GANC: variants seen among roughly 807,000 people sequenced by gnomAD.
The protein encoded by GANC is neutral alpha-glucosidase C.
A neutral mutation model predicts 124.2 loss-of-function variants in GANC; 117 were observed. The observed-to-expected ratio is 0.94, with a 90% CI of 0.81 to 1.10. The LOEUF (loss-of-function observed/expected upper bound fraction) is 1.10, where lower values mean the gene tolerates loss of function less well. GANC is among the 50% of genes least tolerant of loss of function. The pLI is 0.00. For missense variants in GANC, 1,140 were observed against 1,095.0 expected (o/e 1.04, Z -0.58); for synonymous variants, 377 against 376.8 (o/e 1.00, Z -0.01).
chr15:42,329,458 T>G lies in GANC; in HGVS notation c.1644+9T>G, dbSNP rs2052224631. The G allele has an allele frequency of 1.9e-6, 3 of 1,601,086 alleles. No homozygotes were observed. Among genetic ancestry groups the G allele is most frequent in the Admixed American group, 1.8e-5 (1 of 56,788 alleles). ...TCTACGGTTTTTATCATGTAAGACA[T>G]CCAAAAAGAATTAAACTGGGCTTGT... is the stretch of plus-strand genomic sequence containing the variant. On this transcript the variant is annotated intron_variant, in intron 14 of 23. Coordinates refer to ENST00000318010, the MANE Select transcript of GANC (RefSeq NM_198141.3).
At chr15:42,290,664 C>T (rs989265846) in intron 4 of GANC, among the ~76,000 whole-genome samples, 1 of 151,916 alleles carries the variant, frequency 6.6e-6, no homozygotes, top group East Asian at 1.9e-4. Context: ...AAAAACTAAC[C>T]GGGCATGGTA....
rs763320800 is a variant in GANC at position 42,287,765 on chromosome 15, A to C, written c.276A>C (p.Leu92=). Residue 92 remains leucine, a synonymous_variant, in exon 4 of 24, where the codon CTA becomes CTC. Transcript: ENST00000318010. The part of the protein sequence containing the change: ...FRLKINEETP[L]KPRFEVPDVL... ...TTAAAATTAATGAAGAGACTCCTCTAAAACCCAGATTTGAAGTTCCGGATG... is the reference window on the plus strand; with the variant it reads ...TTAAAATTAATGAAGAGACTCCTCTCAAACCCAGATTTGAAGTTCCGGATG... The C allele has an allele frequency of 1.2e-6, 2 of 1,613,308 alleles. No homozygotes were observed. The highest frequency in any genetic ancestry group is 1.1e-5 in the South Asian group (1 of 91,042).
chr15:42,310,528 A>G (rs780025249), intron 9 of GANC, 65 bp downstream of exon 9: 20 of 1,493,738 alleles, frequency 1.3e-5, no homozygotes, highest in Non-Finnish European at 1.7e-5. Flanking sequence ...CAGTGGAGTT[A>G]TAGCTCTTAT....
intron 3 of GANC, among the ~76,000 whole-genome samples, chr15:42,287,154 C>T (rs1364301658): frequency 6.6e-6 from 1 of 152,198 alleles, no homozygotes; most frequent in African/African-American, 2.4e-5. Context: ...TGTGAAAAAT[C>T]AATTCCAGTT....
intron 6 of GANC, among the ~76,000 whole-genome samples, chr15:42,303,986 A>G (rs1328906994): frequency 6.6e-6 from 1 of 152,192 alleles, no homozygotes; most frequent in East Asian, 1.9e-4. Flanking sequence ...ACTTGAACTC[A>G]GCACTGGACC....
At chr15:42,321,732 G>T in intron 10 of GANC, 53 bp from the exon 11 acceptor site, 2 of 1,437,834 alleles carry the variant, frequency 1.4e-6, no homozygotes, top group South Asian at 2.3e-5. Flanking sequence ...TTTATCAAAT[G>T]AATAATGGTC....
chr15:42,287,552 T>C, intron 3 of GANC, 139 bp from the exon 4 acceptor site: 1 of 798,272 alleles, frequency 1.3e-6, no homozygotes, highest in Admixed American at 3.3e-5. Flanking sequence ...GGGGAGCTTT[T>C]TTTTTTAATT....
intron 10 of GANC, chr15:42,314,345 G>T (rs1017001053): frequency 1.8e-5 from 10 of 555,504 alleles, no homozygotes; most frequent in Non-Finnish European, 3.2e-5. Context: ...TGGGATTGGG[G>T]ATCTATATTG....
At chr15:42,278,632 T>G (rs1595761042) in intron 3 of GANC, 42 bp downstream of exon 3, 1 of 1,397,900 alleles carries the variant, frequency 7.2e-7, no homozygotes, top group East Asian at 2.3e-5. Context: ...TTTGTTTCTG[T>G]ATTTATTGGG....
In GANC at chr15:42,273,442, C is replaced by T. The variant is rs773999033; in HGVS notation, c.-1040C>T. On this transcript the variant is annotated 5_prime_UTR_variant, in exon 1 of 24. Coordinates refer to ENST00000318010, the MANE Select transcript of GANC (RefSeq NM_198141.3). ...CCTACCGAAAGCATTTCACCCTCTT[C>T]CGGTTCGTCCCGCCTTCTTCCGGCT... is the stretch of plus-strand genomic sequence containing the variant. 3.1e-6 allele frequency: 5 copies of T among 1,609,472 alleles called. No homozygotes were observed. The highest frequency in any genetic ancestry group is 2.2e-5 in the South Asian group (2 of 90,912).
intron 18 of GANC, among the ~76,000 whole-genome samples, chr15:42,341,232 C>G (rs1010978892): frequency 6.6e-6 from 1 of 151,782 alleles, no homozygotes; most frequent in African/African-American, 2.4e-5. Context: ...AGGATCATAC[C>G]TCCATTCTGT....
At chr15:42,302,001 G>C (rs1300135752) in intron 6 of GANC, among the ~76,000 whole-genome samples, 1 of 152,210 alleles carries the variant, frequency 6.6e-6, no homozygotes, top group Non-Finnish European at 1.5e-5. Flanking sequence ...CTCGAGCTCT[G>C]CTAAGGGACA....
chr15:42,278,300 C>T (rs1204844791), intron 2 of GANC, among the ~76,000 whole-genome samples, 182 bp from the exon 3 acceptor site: 3 of 152,160 alleles, frequency 2.0e-5, no homozygotes, highest in African/African-American at 7.2e-5. Context: ...TAATACTCAT[C>T]TTATTAGCAT....
At chr15:42,304,820 A>G (rs2051977825) in intron 6 of GANC, among the ~76,000 whole-genome samples, 1 of 152,190 alleles carries the variant, frequency 6.6e-6, no homozygotes, top group Non-Finnish European at 1.5e-5. Context: ...ACACATCTAC[A>G]ACCACCTGAT....
chr15:42,305,874 A>G (rs1223387212), intron 6 of GANC, among the ~76,000 whole-genome samples: 1 of 151,968 alleles, frequency 6.6e-6, no homozygotes, highest in African/African-American at 2.4e-5. Context: ...GTTCTCACTC[A>G]TAAGTGGGAG....
Position 42,322,036 on chromosome 15 carries a change from A to G in GANC, c.1293+16A>G. The G allele has an allele frequency of 6.3e-7, 1 of 1,584,410 alleles. No homozygotes were observed. The highest frequency in any genetic ancestry group is 8.6e-7 in the Non-Finnish European group (1 of 1,162,856). ...AAAGCGTAAGGTAAAATAAGCCAAC[A>G]TTTCTGAACCTTTTAATTACAGAGT... On this transcript the variant is annotated intron_variant, in intron 11 of 23. Transcript: ENST00000318010.
chr15:42,294,975 T>TG (rs1158295479), intron 5 of GANC, among the ~76,000 whole-genome samples: 4 of 147,994 alleles, frequency 2.7e-5, no homozygotes, highest in Admixed American at 6.7e-5. Flanking sequence ...ATTTGTAGTT[T>TG]TTTTTTTTTT....
intron 6 of GANC, among the ~76,000 whole-genome samples, chr15:42,304,076 T>G (rs956211724): frequency 1.4e-4 from 21 of 152,190 alleles, no homozygotes; most frequent in Non-Finnish European, 2.6e-4. Context: ...CGCATCGCAC[T>G]TACTCTAAAA....
At chr15:42,278,375 C>T (rs549907407) in intron 2 of GANC, 107 bp from the exon 3 acceptor site, 1 of 711,178 alleles carries the variant, frequency 1.4e-6, no homozygotes, top group Non-Finnish European at 2.4e-6. Context: ...CCCTGAAATT[C>T]ACTGAATATC....
Sources: gnomAD v4.1 joint callset for allele counts (sites outside exome capture counted in the v4.1 genomes callset) on GRCh38, gnomAD v4.1.1 for gene constraint, MANE v1.5 for transcripts, NCBI Gene and HGNC (gene_info 2026-07-23, HGNC 2026-07-21) for gene names.